PAG1: variants seen among roughly 807,000 people sequenced by gnomAD.
The protein encoded by PAG1 is phosphoprotein membrane anchor with glycosphingolipid microdomains 1, also known as phosphoprotein associated with glycosphingolipid-enriched microdomains 1.
PAG1 carries 23 observed loss-of-function variants against 31.7 expected under a neutral mutation model. The ratio of observed to expected loss-of-function variants is 0.73; its 90% CI spans 0.52 to 1.03. The LOEUF is 1.03. Among genes scored for constraint, PAG1 ranks in the 50% least tolerant of loss-of-function variants. The pLI is 0.00. For missense variants in PAG1, 473 were observed against 540.7 expected (o/e 0.87, Z 1.24); for synonymous variants, 214 against 210.3 (o/e 1.02, Z -0.15).
chr8:81,040,678 T>A (rs1270918408), intron 2 of PAG1: 1 of 17,710 alleles, frequency 5.6e-5, no homozygotes, highest in African/African-American at 2.3e-4. Context: ...AGAATATATT[T>A]CTTTCAAACT....
intron 2 of PAG1, among the ~76,000 whole-genome samples, chr8:81,044,754 G>A (rs1808611948): frequency 6.6e-6 from 1 of 151,984 alleles, no homozygotes; most frequent in Non-Finnish European, 1.5e-5. Context: ...TGTCTTATCT[G>A]CTCACATCCA....
At position 80,968,234 on chromosome 8, in the gene PAG1, A is replaced by G. The variant is rs944238857; in HGVS notation, c.*8310T>C. The G allele has an allele frequency of 6.6e-6, 1 of 152,262 alleles. No individual in the cohort carries two copies. Among genetic ancestry groups the G allele is most frequent in the African/African-American group, 2.4e-5 (1 of 41,466 alleles). 9.4% of individuals were successfully genotyped at this position (152,262 alleles called of 1,614,324 possible). A position where few individuals can be genotyped will look rare whatever the true frequency, so the allele number is the denominator to read the frequency against. ...ACCTTTCTTCCGAAGAGTTGAAAGCATTCGTGCTTATCTCTATTATTTCGT... is the reference window on the plus strand; with the variant it reads ...ACCTTTCTTCCGAAGAGTTGAAAGCGTTCGTGCTTATCTCTATTATTTCGT... On this transcript the variant is annotated 3_prime_UTR_variant, in exon 9 of 9. Coordinates refer to ENST00000220597, the MANE Select transcript of PAG1 (RefSeq NM_018440.4).
At chr8:81,004,429 C>T (rs1447936531) in intron 3 of PAG1, among the ~76,000 whole-genome samples, 2 of 152,164 alleles carry the variant, frequency 1.3e-5, no homozygotes, top group African/African-American at 4.8e-5. Context: ...TACTTGCTGA[C>T]ACTCTGTCAT....
At position 81,085,981 on chromosome 8, in the gene PAG1, T is replaced by TTG. The variant is rs1384292767; in HGVS notation, c.-233-15812_-233-15811insCA. Among the ~76,000 whole-genome samples, 105 of 121,880 alleles carry TTG rather than the reference T, an allele frequency of 8.6e-4. No individual in the cohort carries two copies. The South Asian group carries it at 8.8e-3, about 10-fold the overall frequency. The allele number at this position is 121,880 out of a possible 152,430, so 80.0% of individuals were successfully genotyped here. On this transcript the variant is annotated intron_variant, in intron 1 of 8. Transcript: ENST00000220597. ...GCTTTTAATCTGGCTTGTTTTTTTT[T>TTG]TTTTTTTTTTTTTTTTTTGAGACGG... is the stretch of plus-strand genomic sequence containing the variant.
rs770091661 is a variant in PAG1, at chr8:80,985,250, G to C, written c.402C>G (p.Pro134=). 4.3e-6 allele frequency: 7 copies of C among 1,613,988 alleles called. No individual in the cohort carries two copies. In the Admixed American group the frequency reaches 8.3e-5, roughly 19 times the overall value. ...CCACTGCGCTCTCGGGAGGGATTCT[G>C]GGCAGCTCCCGACTCTGATGACATT... The part of the protein sequence containing the change: ...KPKCHQSREL[P]RIPPESAVDT... The change falls in exon 7 of 9, where the codon CCC becomes CCG. Residue 134 remains proline (P), a synonymous_variant. Transcript: ENST00000220597.
At chr8:80,980,015 T>C (rs545455909) in intron 8 of PAG1, among the ~76,000 whole-genome samples, 2 of 151,754 alleles carry the variant, frequency 1.3e-5, no homozygotes, top group Non-Finnish European at 2.9e-5. Context: ...CACGGAGACT[T>C]CCTCTTTCTG....
intron 3 of PAG1, among the ~76,000 whole-genome samples, chr8:81,000,386 A>G (rs1337543046): frequency 1.3e-5 from 2 of 152,212 alleles, no homozygotes. Flanking sequence ...CTAAGCAAAC[A>G]ATTAAAAAAT....
At chr8:80,991,130 C>A (rs1401482671) in intron 5 of PAG1, among the ~76,000 whole-genome samples, 4 of 152,180 alleles carry the variant, frequency 2.6e-5, no homozygotes, top group Non-Finnish European at 5.9e-5. Flanking sequence ...AACAGACTTT[C>A]CCTCAGAAGC....
At chr8:81,015,306 A>C (rs1183361756) in intron 3 of PAG1, among the ~76,000 whole-genome samples, 1 of 152,208 alleles carries the variant, frequency 6.6e-6, no homozygotes, top group Non-Finnish European at 1.5e-5. Flanking sequence ...TTTTGAAATG[A>C]GTTCTTACCC....
At chr8:81,038,171 C>T (rs772717601) in intron 2 of PAG1, among the ~76,000 whole-genome samples, 3 of 152,140 alleles carry the variant, frequency 2.0e-5, no homozygotes, top group Non-Finnish European at 2.9e-5. Context: ...TGCATGTCGG[C>T]GGGGAGGGGC....
At chr8:81,075,158 T>A (rs1426976484) in intron 1 of PAG1, among the ~76,000 whole-genome samples, 1 of 152,242 alleles carries the variant, frequency 6.6e-6, no homozygotes, top group Admixed American at 6.5e-5. Flanking sequence ...CATGTGTCCA[T>A]ATAGATCTAT....
intron 2 of PAG1, among the ~76,000 whole-genome samples, chr8:81,042,313 G>A (rs148300690): frequency 6.6e-6 from 1 of 152,254 alleles, no homozygotes; most frequent in Non-Finnish European, 1.5e-5. Context: ...GTCAGTGTGA[G>A]GCTCAAACGA....
chr8:81,080,652 T>G (rs1160419139), intron 1 of PAG1, among the ~76,000 whole-genome samples: 3 of 152,132 alleles, frequency 2.0e-5, no homozygotes, highest in Non-Finnish European at 2.9e-5. Flanking sequence ...GTTGGCAGAT[T>G]TTCTTATTTT....
intron 3 of PAG1, among the ~76,000 whole-genome samples, chr8:80,997,181 T>C (rs1477110759): frequency 6.6e-6 from 1 of 152,264 alleles, no homozygotes; most frequent in Non-Finnish European, 1.5e-5. Flanking sequence ...GCATCCCCTA[T>C]GTTTTTTTCA....
At position 80,975,423 on chromosome 8, in the gene PAG1, AT is replaced by A. The variant is rs576786029; in HGVS notation, c.*1120del. 6.6e-4 allele frequency: 101 copies of A among 152,344 alleles called. No homozygotes were observed. Among genetic ancestry groups the A allele is most frequent in the Admixed American group, 1.9e-3 (29 of 15,304 alleles). 9.4% of individuals were successfully genotyped at this position (152,344 alleles called of 1,614,324 possible). On this transcript the variant is annotated 3_prime_UTR_variant, in exon 9 of 9. Coordinates refer to ENST00000220597, the MANE Select transcript of PAG1 (RefSeq NM_018440.4). ...CATAAAATCAAAATAGCTAATATAC[AT>A]TTTTTTCTGGCACTTTTGAGAAATT...
intron 8 of PAG1, among the ~76,000 whole-genome samples, chr8:80,977,248 A>G (rs1463533189): frequency 6.6e-6 from 1 of 152,214 alleles, no homozygotes; most frequent in Non-Finnish European, 1.5e-5. Context: ...TATCAGAATG[A>G]TATTTTGCCT....
At chr8:81,107,376 T>C (rs1277987958) in intron 1 of PAG1, among the ~76,000 whole-genome samples, 1 of 152,170 alleles carries the variant, frequency 6.6e-6, no homozygotes, top group African/African-American at 2.4e-5. Flanking sequence ...AGTCCATCTA[T>C]ATTATGTAAT....
chr8:80,989,913 G>A (rs1479224460), intron 5 of PAG1, among the ~76,000 whole-genome samples: 3 of 152,126 alleles, frequency 2.0e-5, no homozygotes, highest in African/African-American at 2.4e-5. Flanking sequence ...GAGGAATGGC[G>A]GTGGGAGCCC....
intron 3 of PAG1, among the ~76,000 whole-genome samples, chr8:80,995,298 A>G (rs749196005): frequency 6.6e-6 from 1 of 152,256 alleles, no homozygotes; most frequent in Non-Finnish European, 1.5e-5. Flanking sequence ...TGCGTAATAC[A>G]GAACTTCTTT....
Sources: allele counts gnomAD v4.1 joint callset (sites outside exome capture counted in the v4.1 genomes callset), GRCh38; gene constraint gnomAD v4.1.1; transcripts MANE v1.5; gene names NCBI Gene and HGNC (gene_info 2026-07-23, HGNC 2026-07-21).